EPB41L4A: variants seen among roughly 807,000 people sequenced by gnomAD.
The protein encoded by EPB41L4A is erythrocyte membrane protein band 4.1 like 4A.
In EPB41L4A, 100 loss-of-function variants were observed where a neutral mutation model predicts 108.6. That is an observed-to-expected ratio of 0.92 (90% CI 0.78 to 1.09). EPB41L4A has a LOEUF of 1.09. EPB41L4A is among the 50% of genes least tolerant of loss of function. EPB41L4A has a pLI of 0.00. For synonymous variants in EPB41L4A, 319 were observed against 289.0 expected (o/e 1.10, Z -1.05); for missense variants, 1,030 against 842.7 (o/e 1.22, Z -2.75).
intron 2 of EPB41L4A, among the ~76,000 whole-genome samples, chr5:112,306,908 A>G (rs1362712942): frequency 6.6e-6 from 1 of 152,170 alleles, no homozygotes; most frequent in Non-Finnish European, 1.5e-5. Flanking sequence ...TTCATGAACA[A>G]AAAAACCTCT....
chr5:112,145,825 T>C (rs905976409), intron 13 of EPB41L4A: 1 of 430,398 alleles, frequency 2.3e-6, no homozygotes, highest in Admixed American at 2.6e-5. Context: ...CTCCATTTGA[T>C]ATCAATCTAT....
chr5:112,294,195 C>CT (rs1753839544), intron 2 of EPB41L4A, among the ~76,000 whole-genome samples: 1 of 152,132 alleles, frequency 6.6e-6, no homozygotes, highest in Non-Finnish European at 1.5e-5. Flanking sequence ...CTCAGTAAAG[C>CT]TTTTTCTTTT....
intron 12 of EPB41L4A, among the ~76,000 whole-genome samples, chr5:112,212,577 G>A (rs1482254656): frequency 1.3e-5 from 2 of 152,302 alleles, no homozygotes; most frequent in South Asian, 2.1e-4. Context: ...TTACAGGTGT[G>A]AGCCACTGTG....
chr5:112,147,520 G>A (rs1290811008), intron 12 of EPB41L4A, among the ~76,000 whole-genome samples: 1 of 151,630 alleles, frequency 6.6e-6, no homozygotes, highest in Non-Finnish European at 1.5e-5. Flanking sequence ...TGTGCCTGTG[G>A]TCTCAGCTAC....
rs988594919 is a variant in EPB41L4A, at chr5:112,419,209, G to A, written c.-170C>T. ...GCCGCCGAACCGCCCGGCGGGGCGG[G>A]AGCGAGAAAGGCGGAAAAGCCCGGG... On this transcript the variant is annotated 5_prime_UTR_variant, in exon 1 of 23. Coordinates refer to ENST00000261486, the MANE Select transcript of EPB41L4A (RefSeq NM_022140.5). 4.0e-6 allele frequency: 2 copies of A among 501,006 alleles called. No homozygotes were observed. Among genetic ancestry groups the A allele is most frequent in the East Asian group, 7.5e-5 (2 of 26,782 alleles). 31.0% of individuals were successfully genotyped at this position (501,006 alleles called of 1,614,324 possible).
intron 1 of EPB41L4A, among the ~76,000 whole-genome samples, chr5:112,314,459 G>C (rs951709456): frequency 2.2e-5 from 3 of 133,936 alleles, no homozygotes; most frequent in African/African-American, 5.6e-5. Context: ...CCTGAGGTCA[G>C]GAGTTCGACA....
intron 3 of EPB41L4A, among the ~76,000 whole-genome samples, chr5:112,279,874 C>G (rs753987416): frequency 5.9e-5 from 9 of 152,108 alleles, no homozygotes; most frequent in Non-Finnish European, 1.0e-4. Flanking sequence ...ATGGCAAAAC[C>G]ATGCCATAAC....
At chr5:112,300,265 A>C (rs566209025) in intron 2 of EPB41L4A, among the ~76,000 whole-genome samples, 1 of 152,182 alleles carries the variant, frequency 6.6e-6, no homozygotes, top group East Asian at 1.9e-4. Context: ...TGCTTTAAGG[A>C]AGTTCTGTTA....
chr5:112,286,203 C>G (rs1753266796), intron 2 of EPB41L4A, among the ~76,000 whole-genome samples: 1 of 151,960 alleles, frequency 6.6e-6, no homozygotes, highest in African/African-American at 2.4e-5. Context: ...TATAATCATT[C>G]ACTTGCAAGT....
intron 1 of EPB41L4A, among the ~76,000 whole-genome samples, chr5:112,407,454 G>A (rs1762138142): frequency 6.6e-6 from 1 of 152,148 alleles, no homozygotes; most frequent in South Asian, 2.1e-4. Flanking sequence ...GGTGGGAAGG[G>A]TGTGTGTGTT....
At chr5:112,364,909 T>C (rs1167310254) in intron 1 of EPB41L4A, among the ~76,000 whole-genome samples, 2 of 152,242 alleles carry the variant, frequency 1.3e-5, no homozygotes, top group Non-Finnish European at 2.9e-5. Flanking sequence ...CATATACCCT[T>C]ATATTCATAG....
chr5:112,412,121 C>T (rs574938334), intron 1 of EPB41L4A, among the ~76,000 whole-genome samples: 2 of 152,200 alleles, frequency 1.3e-5, no homozygotes, highest in Admixed American at 6.5e-5. Flanking sequence ...TCTGCAGTCT[C>T]GGTCCACCAA....
chr5:112,368,396 C>T (rs1386509260), intron 1 of EPB41L4A, among the ~76,000 whole-genome samples: 1 of 152,144 alleles, frequency 6.6e-6, no homozygotes, highest in Non-Finnish European at 1.5e-5. Context: ...TCCCCTATTG[C>T]CACCTTGGTC....
chr5:112,185,949 G>T (rs1761405304), intron 17 of EPB41L4A, among the ~76,000 whole-genome samples: 1 of 152,128 alleles, frequency 6.6e-6, no homozygotes, highest in African/African-American at 2.4e-5. Context: ...TAGGGGAGCA[G>T]TCCTGGACAC....
chr5:112,417,096 T>A (rs1301062854), intron 1 of EPB41L4A, among the ~76,000 whole-genome samples: 1 of 152,242 alleles, frequency 6.6e-6, no homozygotes, highest in Non-Finnish European at 1.5e-5. Flanking sequence ...ATATGGCCCA[T>A]ATCCAAAGTA....
At chr5:112,233,702 T>C (rs1268579335) in intron 12 of EPB41L4A, among the ~76,000 whole-genome samples, 1 of 152,192 alleles carries the variant, frequency 6.6e-6, no homozygotes, top group Admixed American at 6.5e-5. Context: ...CTTACCATCA[T>C]GCCCAGAAGT....
intron 1 of EPB41L4A, among the ~76,000 whole-genome samples, chr5:112,416,306 C>G (rs959135485): frequency 6.6e-6 from 1 of 152,112 alleles, no homozygotes; most frequent in Non-Finnish European, 1.5e-5. Flanking sequence ...TATAATTAAT[C>G]TTTTCTAATT....
chr5:112,151,995 G>C (rs1427921132), intron 12 of EPB41L4A, among the ~76,000 whole-genome samples: 4 of 152,054 alleles, frequency 2.6e-5, no homozygotes, highest in Non-Finnish European at 4.4e-5. Flanking sequence ...GCCTTCCAAA[G>C]TGCTGGGATT....
At chr5:112,353,394 C>A (rs977524844) in intron 1 of EPB41L4A, among the ~76,000 whole-genome samples, 1 of 152,106 alleles carries the variant, frequency 6.6e-6, no homozygotes, top group Admixed American at 6.5e-5. Flanking sequence ...GGGCACTGGG[C>A]AGCGTGCATG....
Sources: allele counts gnomAD v4.1 joint callset (sites outside exome capture counted in the v4.1 genomes callset), GRCh38; gene constraint gnomAD v4.1.1; transcripts MANE v1.5; gene names NCBI Gene and HGNC (gene_info 2026-07-23, HGNC 2026-07-21).